PTPRM: variants seen among roughly 807,000 people sequenced by gnomAD.
PTPRM encodes protein tyrosine phosphatase receptor type M.
PTPRM carries 47 observed loss-of-function variants against 186.7 expected under a neutral mutation model. That is an observed-to-expected ratio of 0.25 (90% confidence interval 0.20 to 0.32). The LOEUF is 0.32. Ranked by LOEUF, PTPRM falls within the 10% of genes least tolerant of loss-of-function variation. PTPRM has a pLI of 1.00. For synonymous variants in PTPRM, 668 were observed against 674.9 expected (o/e 0.99, Z 0.16); for missense variants, 1,494 against 1,865.0 (o/e 0.80, Z 3.66).
At chr18:7,705,350 GCTAT>G in intron 1 of PTPRM, among the ~76,000 whole-genome samples, 1 of 150,078 alleles carries the variant, frequency 6.7e-6, no homozygotes, top group East Asian at 2.0e-4. Flanking sequence ...TAGCTAGCTA[GCTAT>G]CTTTCTGTCT....
chr18:7,981,334 T>A (rs1357523044), intron 7 of PTPRM, among the ~76,000 whole-genome samples: 1 of 152,160 alleles, frequency 6.6e-6, no homozygotes, highest in Non-Finnish European at 1.5e-5. Context: ...TATCTGCCTG[T>A]CTATGAATGC....
chr18:7,695,786 C>T (rs139472278), intron 1 of PTPRM, among the ~76,000 whole-genome samples: 9 of 152,252 alleles, frequency 5.9e-5, no homozygotes, highest in South Asian at 2.1e-4. Context: ...TGATGGCCAC[C>T]CTCCTGTCAA....
Position 8,319,163 on chromosome 18 carries a change from TTTA to T in PTPRM, c.2920-12_2920-10del. 1 of 1,501,368 alleles carries T rather than the reference TTTA, an allele frequency of 6.7e-7. No individual in the cohort carries two copies. Among genetic ancestry groups the T allele is most frequent in the Non-Finnish European group, 9.2e-7 (1 of 1,084,478 alleles). The allele number at this position is 1,501,368 out of a possible 1,614,324, so 93.0% of individuals were successfully genotyped here. On this transcript the variant is annotated splice_polypyrimidine_tract_variant and intron_variant, in intron 21 of 32. Transcript: ENST00000580170. ...ATTTTATGTTTATCAAATATTCTCT[TTTA>T]TTTATTTTTAGGGTTATCATCGACC...
intron 22 of PTPRM, among the ~76,000 whole-genome samples, chr18:8,320,774 T>G (rs1473748153): frequency 6.6e-6 from 1 of 152,208 alleles, no homozygotes; most frequent in Non-Finnish European, 1.5e-5. Context: ...CAGGTCTAGA[T>G]GACCTGCTGG....
intron 14 of PTPRM, 29 bp from the exon 15 acceptor site, chr18:8,244,029 G>C: frequency 6.3e-7 from 1 of 1,595,212 alleles, no homozygotes; most frequent in African/African-American, 1.4e-5. Context: ...TCAAATGCAT[G>C]CCTACATAAT....
chr18:7,763,661 AC>A (rs1380530509), intron 1 of PTPRM, among the ~76,000 whole-genome samples: 1 of 152,252 alleles, frequency 6.6e-6, no homozygotes, highest in African/African-American at 2.4e-5. Context: ...AACTATATTT[AC>A]TTTTTCCTTA....
At chr18:7,825,623 T>C (rs1270585725) in intron 2 of PTPRM, among the ~76,000 whole-genome samples, 1 of 152,132 alleles carries the variant, frequency 6.6e-6, no homozygotes, top group African/African-American at 2.4e-5. Flanking sequence ...GGCTGATCCC[T>C]GTGATGCCAT....
intron 20 of PTPRM, 95 bp downstream of exon 20, chr18:8,296,550 C>A: frequency 1.2e-6 from 1 of 832,312 alleles, no homozygotes. Flanking sequence ...ATTTACAGTG[C>A]AATTACCTCC....
chr18:7,809,675 G>A (rs1004730151), intron 2 of PTPRM, among the ~76,000 whole-genome samples: 16 of 152,236 alleles, frequency 1.1e-4, no homozygotes, highest in Non-Finnish European at 1.5e-5. Context: ...CCTACCGTAA[G>A]CTCATCCTCT....
chr18:8,355,354 T>G (rs1467757533), intron 23 of PTPRM, among the ~76,000 whole-genome samples: 1 of 151,458 alleles, frequency 6.6e-6, no homozygotes, highest in Non-Finnish European at 1.5e-5. Context: ...CAAATGAAAA[T>G]TAATTGGCAA....
chr18:7,653,982 A>G (rs553848357), intron 1 of PTPRM, among the ~76,000 whole-genome samples: 16 of 152,032 alleles, frequency 1.1e-4, no homozygotes, highest in Middle Eastern at 3.4e-3. Context: ...GGCAGTTGTT[A>G]TTTTTTGACT....
intron 1 of PTPRM, among the ~76,000 whole-genome samples, chr18:7,755,821 A>G (rs2041458705): frequency 6.6e-6 from 1 of 152,178 alleles, no homozygotes; most frequent in African/African-American, 2.4e-5. Context: ...AGCTAAGGTG[A>G]GAGTTTGAAG....
chr18:7,877,709 C>T (rs1273538431), intron 2 of PTPRM, among the ~76,000 whole-genome samples: 1 of 152,198 alleles, frequency 6.6e-6, no homozygotes, highest in Non-Finnish European at 1.5e-5. Flanking sequence ...GGCTACAGAG[C>T]TTAGCTTTTC....
chr18:8,260,864 T>A (rs1215407513), intron 19 of PTPRM, among the ~76,000 whole-genome samples: 1 of 152,082 alleles, frequency 6.6e-6, no homozygotes, highest in Non-Finnish European at 1.5e-5. Flanking sequence ...GCATCTGGGC[T>A]CCCCCTTGTT....
intron 1 of PTPRM, among the ~76,000 whole-genome samples, chr18:7,768,174 T>C (rs1025528751): frequency 6.6e-6 from 1 of 152,172 alleles, no homozygotes; most frequent in African/African-American, 2.4e-5. Context: ...GGAGAGAATA[T>C]TGGGCCCAAC....
chr18:8,220,829 T>C (rs976168), intron 14 of PTPRM, among the ~76,000 whole-genome samples: 83,382 of 151,992 alleles, frequency 0.55, 23,537 homozygotes, highest in East Asian at 0.77. Flanking sequence ...ACCTAAGTTT[T>C]CTTTGAGCTA....
At chr18:7,665,450 C>G (rs948726127) in intron 1 of PTPRM, among the ~76,000 whole-genome samples, 1 of 152,050 alleles carries the variant, frequency 6.6e-6, no homozygotes. Flanking sequence ...GTAAATTTTT[C>G]CAGGCATACT....
At chr18:8,379,102 C>T in intron 27 of PTPRM, 65 bp from the exon 28 acceptor site, 1 of 1,393,708 alleles carries the variant, frequency 7.2e-7, no homozygotes, top group Non-Finnish European at 9.7e-7. Context: ...CTTTCGAAAA[C>T]TGCACGTGAG....
chr18:7,587,785 G>A (rs1422019829), intron 1 of PTPRM, among the ~76,000 whole-genome samples: 1 of 152,124 alleles, frequency 6.6e-6, no homozygotes, highest in East Asian at 1.9e-4. Context: ...CCTTAGAGGT[G>A]AAGATTTAGG....
Sources: allele counts gnomAD v4.1 joint callset (sites outside exome capture counted in the v4.1 genomes callset), GRCh38; gene constraint gnomAD v4.1.1; transcripts MANE v1.5; gene names NCBI Gene and HGNC (gene_info 2026-07-23, HGNC 2026-07-21).